Variants in GNB1 observed in about 807,000 individuals in gnomAD.
The protein encoded by GNB1 is G protein subunit beta 1.
A neutral mutation model predicts 42.9 loss-of-function variants in GNB1; 2 were observed. The ratio of observed to expected loss-of-function variants is 0.05; its 90% CI spans 0.02 to 0.15. GNB1 has a LOEUF of 0.15. Ranked by LOEUF, GNB1 falls within the 10% of genes least tolerant of loss-of-function variation. The pLI is 1.00. For synonymous variants in GNB1, 183 were observed against 174.7 expected (o/e 1.05, Z -0.38); for missense variants, 193 against 462.2 (o/e 0.42, Z 5.34).
In GNB1 at chr1:1,787,269, T is replaced by A; in HGVS notation, c.*9+53A>T. 1.1e-6 allele frequency: 1 copy of A among 882,530 alleles called. No individual in the cohort carries two copies. The highest frequency in any genetic ancestry group is 1.9e-6 in the Non-Finnish European group (1 of 534,410). The allele number at this position is 882,530 out of a possible 1,614,324, so 54.7% of individuals were successfully genotyped here. ...GTTAATGACAACTTCAAATGTTCTATGAGAAACACGCACAGTTCTCCTCAG... is the reference window on the plus strand; with the variant it reads ...GTTAATGACAACTTCAAATGTTCTAAGAGAAACACGCACAGTTCTCCTCAG... On this transcript the variant is annotated intron_variant, in intron 11 of 11. Coordinates refer to ENST00000378609, the MANE Select transcript of GNB1 (RefSeq NM_002074.5). The surrounding 1 kb of genome is among the most constrained non-coding windows in gnomAD (Gnocchi z 4.4).
rs181942263 is a variant in GNB1, at chr1:1,885,339, G to A, written c.-96+5481C>T. 8.2e-3 allele frequency among the ~76,000 whole-genome samples: 1,240 copies of A among 150,682 alleles called. 23 individuals are homozygous for A. Among genetic ancestry groups the A allele is most frequent in the African/African-American group, 0.029 (1,202 of 41,128 alleles). ...GAGGCAGGAGAATCACTTGAACCCG[G>A]GAGGCAGAAGTTGCAGTGAGCCAGG... is the stretch of plus-strand genomic sequence containing the variant. On this transcript the variant is annotated intron_variant, in intron 1 of 11. Transcript: ENST00000378609.
At chr1:1,859,458 G>A (rs145975887) in intron 1 of GNB1, among the ~76,000 whole-genome samples, 2 of 152,200 alleles carry the variant, frequency 1.3e-5, no homozygotes, top group East Asian at 3.9e-4. Context: ...GAGCAGCCTG[G>A]GCAACAGAGG....
intron 1 of GNB1, among the ~76,000 whole-genome samples, chr1:1,846,387 T>A (rs1647669744): frequency 6.6e-6 from 1 of 151,898 alleles, no homozygotes; most frequent in Non-Finnish European, 1.5e-5. Context: ...GCCAACGTGG[T>A]GAAACTCCAT....
intron 1 of GNB1, among the ~76,000 whole-genome samples, chr1:1,870,885 T>C (rs1649210899): frequency 2.0e-5 from 3 of 151,414 alleles, no homozygotes; most frequent in African/African-American, 7.3e-5. Context: ...GAGCCAAGAT[T>C]TCACCACTGC....
intron 1 of GNB1, among the ~76,000 whole-genome samples, chr1:1,870,453 G>A (rs1649183762): frequency 6.6e-6 from 1 of 152,084 alleles, no homozygotes; most frequent in South Asian, 2.1e-4. Context: ...AGAGATTACA[G>A]GGATTATAGT....
chr1:1,841,465 C>A (rs1052639301), intron 1 of GNB1, among the ~76,000 whole-genome samples: 16 of 152,250 alleles, frequency 1.1e-4, no homozygotes, highest in Non-Finnish European at 2.1e-4. Context: ...CAGGCCTGAG[C>A]CACTGAGCCT....
intron 1 of GNB1, among the ~76,000 whole-genome samples, chr1:1,866,006 T>C (rs1028518122): frequency 1.3e-4 from 20 of 152,216 alleles, no homozygotes; most frequent in African/African-American, 4.3e-4. Context: ...TGGCGCAACG[T>C]TGGCTCACTG....
intron 2 of GNB1, among the ~76,000 whole-genome samples, chr1:1,829,643 G>A (rs775980092): frequency 5.3e-5 from 8 of 152,160 alleles, no homozygotes; most frequent in Non-Finnish European, 7.3e-5. Context: ...CATCTTTACC[G>A]TGAAGACAGT....
intron 1 of GNB1, among the ~76,000 whole-genome samples, chr1:1,882,090 T>TGAATTCA (rs1370693996): frequency 6.6e-6 from 1 of 152,104 alleles, no homozygotes; most frequent in Non-Finnish European, 1.5e-5. Context: ...TATTAGACCA[T>TGAATTCA]GAATTCAGCA....
At chr1:1,838,449 C>CT (rs112843995) in intron 2 of GNB1, among the ~76,000 whole-genome samples, 33,646 of 141,470 alleles carry the variant, frequency 0.24, 4,142 homozygotes, top group Non-Finnish European at 0.27. Context: ...TTTTTCTTTT[C>CT]TTTTTTTTTT....
chr1:1,800,019 A>C (rs149757612), intron 7 of GNB1, among the ~76,000 whole-genome samples: 410 of 152,348 alleles, frequency 2.7e-3, no homozygotes, highest in Middle Eastern at 0.014. Context: ...CCACACAAGA[A>C]AGACAGAGAT....
In GNB1 at chr1:1,789,063, G is replaced by A. The variant is rs1041796914; in HGVS notation, c.906C>T (p.Ala302=). 11 of 1,613,152 alleles carry A rather than the reference G, an allele frequency of 6.8e-6. No homozygotes were observed. In the African/African-American group the frequency reaches 8.0e-5, roughly 12 times the overall value. Residue 302 remains alanine, a synonymous_variant, in exon 10 of 12, where the codon GCC becomes GCT. Coordinates refer to ENST00000378609, the MANE Select transcript of GNB1 (RefSeq NM_002074.5). ...CCCATGGCCACGTACCTGCCCGGTC[G>A]GCTTTGAGTGCATCCCAGACGTTGC... is the stretch of plus-strand genomic sequence containing the variant. The part of the protein sequence containing the change: ...FNCNVWDALK[A]DRAGVLAGHD...
intron 5 of GNB1, among the ~76,000 whole-genome samples, chr1:1,812,864 C>T (rs1022656566): frequency 7.4e-6 from 1 of 135,848 alleles, no homozygotes; most frequent in African/African-American, 2.7e-5. Context: ...GCTCAGTTCA[C>T]ACACCCATCT....
At chr1:1,869,509 C>T (rs1052856076) in intron 1 of GNB1, among the ~76,000 whole-genome samples, 7 of 152,194 alleles carry the variant, frequency 4.6e-5, no homozygotes, top group Non-Finnish European at 8.8e-5. Context: ...CCATCAGGAA[C>T]TGGAGCTTTT....
In GNB1 at chr1:1,790,733, T is replaced by G; in HGVS notation, c.498-137A>C. 1.6e-6 allele frequency: 1 copy of G among 628,182 alleles called. No homozygotes were observed. Among genetic ancestry groups the G allele is most frequent in the Non-Finnish European group, 2.9e-6 (1 of 350,352 alleles). 38.9% of individuals were successfully genotyped at this position (628,182 alleles called of 1,614,324 possible). On this transcript the variant is annotated intron_variant, in intron 8 of 11. Coordinates refer to ENST00000378609, the MANE Select transcript of GNB1 (RefSeq NM_002074.5). The surrounding 1 kb of genome is among the most constrained non-coding windows in gnomAD (Gnocchi z 5.4). ...CTGTTACTTTAAAAACGTAAATTGT[T>G]TAAAGACAAATTTAAATGTAATACA...
At chr1:1,850,313 G>A (rs1033458078) in intron 1 of GNB1, among the ~76,000 whole-genome samples, 3 of 151,846 alleles carry the variant, frequency 2.0e-5, no homozygotes, top group South Asian at 2.1e-4. Flanking sequence ...TTTATTTTTA[G>A]TAGAGACGGG....
At chr1:1,837,536 G>A (rs1647169026) in intron 2 of GNB1, among the ~76,000 whole-genome samples, 1 of 150,304 alleles carries the variant, frequency 6.7e-6, no homozygotes, top group South Asian at 2.1e-4. Flanking sequence ...TTACAGGCGT[G>A]AGCCACCATG....
intron 1 of GNB1, among the ~76,000 whole-genome samples, chr1:1,855,423 C>T (rs1405328456): frequency 1.3e-5 from 2 of 152,014 alleles, no homozygotes; most frequent in Non-Finnish European, 2.9e-5. Context: ...AACTCCCGGC[C>T]GGGCGCGGTG....
intron 1 of GNB1, among the ~76,000 whole-genome samples, chr1:1,860,026 T>G (rs1162117882): frequency 6.6e-6 from 1 of 152,016 alleles, no homozygotes; most frequent in East Asian, 1.9e-4. Flanking sequence ...CTGCACGTTG[T>G]GCACATGTAC....
Sources: gnomAD v4.1 joint callset for allele counts (sites outside exome capture counted in the v4.1 genomes callset) on GRCh38, gnomAD v4.1.1 for gene constraint, Gnocchi (gnomAD v3.1) non-coding constraint, MANE v1.5 for transcripts, NCBI Gene and HGNC (gene_info 2026-07-23, HGNC 2026-07-21) for gene names.